Variants in TINAG observed in about 807,000 individuals in gnomAD.
TINAG encodes the protein tubulointerstitial nephritis antigen.
In TINAG, 83 loss-of-function variants were observed where a neutral mutation model predicts 72.7. That is an observed-to-expected ratio of 1.14 (90% CI 0.96 to 1.37). The LOEUF is 1.37. Among genes scored for constraint, TINAG ranks in the 40% most tolerant of loss-of-function variants. The probability of loss-of-function intolerance (pLI) is 0.00; values close to 1 mark genes in which losing one functional copy is unlikely to be tolerated. For missense variants in TINAG, 685 were observed against 576.6 expected (o/e 1.19, Z -1.93); for synonymous variants, 234 against 189.9 (o/e 1.23, Z -1.91).
rs776585622 is a variant in TINAG, at chr6:54,349,851, T to C, written c.1035T>C (p.Ser345=). ...TKPCPNNVEK[S]NRIYQCSPPY... ...CATGTCCCAACAACGTAGAAAAATC[T>C]AACAGGATCTATCAATGTTCTCCTC... is the stretch of plus-strand genomic sequence containing the variant. The change falls in exon 7 of 11, where the codon TCT becomes TCC. Residue 345 remains serine (S), a synonymous_variant. Coordinates refer to ENST00000259782, the MANE Select transcript of TINAG (RefSeq NM_014464.4). 3.4e-5 allele frequency: 55 copies of C among 1,609,486 alleles called. No homozygotes were observed. The highest frequency in any genetic ancestry group is 3.3e-4 in the Middle Eastern group (2 of 6,058).
intron 4 of TINAG, among the ~76,000 whole-genome samples, chr6:54,332,771 A>G (rs1435483131): frequency 6.6e-6 from 1 of 152,246 alleles, no homozygotes; most frequent in Non-Finnish European, 1.5e-5. Context: ...CAAATTAACA[A>G]GAAAAACAAA....
intron 5 of TINAG, 128 bp downstream of exon 5, chr6:54,343,477 TA>T (rs1373011408): frequency 7.2e-6 from 7 of 975,148 alleles, no homozygotes; most frequent in Non-Finnish European, 1.3e-6. Flanking sequence ...AAAATCTCAT[TA>T]TGATGGAAGA....
chr6:54,330,987 T>C (rs1192127086), intron 4 of TINAG, among the ~76,000 whole-genome samples: 1 of 151,954 alleles, frequency 6.6e-6, no homozygotes, highest in East Asian at 1.9e-4. Flanking sequence ...ACCAAAAAAG[T>C]CTAGGACCAG....
intron 1 of TINAG, among the ~76,000 whole-genome samples, chr6:54,316,379 A>G (rs2150931900): frequency 6.6e-6 from 1 of 152,314 alleles, no homozygotes; most frequent in Middle Eastern, 3.4e-3. Context: ...TATTTATCAC[A>G]ATTATGCTGA....
At chr6:54,310,605 C>T (rs1365159493) in intron 1 of TINAG, among the ~76,000 whole-genome samples, 1 of 138,500 alleles carries the variant, frequency 7.2e-6, no homozygotes, top group Non-Finnish European at 1.5e-5. Flanking sequence ...TTTTCTTTCT[C>T]TCTCTCTGTC....
At chr6:54,365,328 C>G (rs1030926798) in intron 9 of TINAG, 2 of 151,522 alleles carry the variant, frequency 1.3e-5, no homozygotes, top group Admixed American at 1.3e-4. Context: ...GTAGCCACTA[C>G]CACAAATAGA....
At chr6:54,385,138 A>G (rs1764062600) in intron 10 of TINAG, among the ~76,000 whole-genome samples, 1 of 152,094 alleles carries the variant, frequency 6.6e-6, no homozygotes, top group African/African-American at 2.4e-5. Context: ...ACCGAAGATA[A>G]ATGAAAGAAA....
chr6:54,379,237 A>G (rs1204292496), intron 9 of TINAG, among the ~76,000 whole-genome samples: 1 of 152,200 alleles, frequency 6.6e-6, no homozygotes, highest in East Asian at 1.9e-4. Flanking sequence ...AGTGGGGCCT[A>G]TATGTCTGTA....
intron 3 of TINAG, among the ~76,000 whole-genome samples, chr6:54,326,299 T>C (rs994148999): frequency 6.6e-6 from 1 of 151,716 alleles, no homozygotes; most frequent in Non-Finnish European, 1.5e-5. Flanking sequence ...AATATCTGAT[T>C]AATTAGATTT....
intron 9 of TINAG, among the ~76,000 whole-genome samples, chr6:54,365,804 G>C (rs991142672): frequency 2.6e-5 from 4 of 151,380 alleles, no homozygotes; most frequent in African/African-American, 9.7e-5. Flanking sequence ...TATCTCTCAG[G>C]GTCTCTGAGA....
chr6:54,322,918 A>ACCTAATTAACATACATTCCTAGC (rs1784525244), intron 3 of TINAG, among the ~76,000 whole-genome samples: 1 of 152,228 alleles, frequency 6.6e-6, no homozygotes, highest in Non-Finnish European at 1.5e-5. Flanking sequence ...CAAATGCTAG[A>ACCTAATTAACATACATTCCTAGC]CCTAATTAAC....
rs532324835 is a variant in TINAG, at chr6:54,380,685, T to C, written c.1296+114T>C. Reference sequence around the variant, plus strand: ...TCACATCCTCAGCTGTGTAATATTGTTGATAACATCAGTGTTTTCGCCAGC... The same window carrying C: ...TCACATCCTCAGCTGTGTAATATTGCTGATAACATCAGTGTTTTCGCCAGC... On this transcript the variant is annotated intron_variant, in intron 10 of 10. Transcript: ENST00000259782. The C allele has an allele frequency of 2.1e-5, 15 of 705,076 alleles. 1 individual carries two copies. The African/African-American group carries it at 2.5e-4, about 12-fold the overall frequency. 43.7% of individuals were successfully genotyped at this position (705,076 alleles called of 1,614,324 possible).
chr6:54,335,556 A>G (rs1229565585), intron 4 of TINAG, among the ~76,000 whole-genome samples: 1 of 152,222 alleles, frequency 6.6e-6, no homozygotes, highest in Non-Finnish European at 1.5e-5. Flanking sequence ...GTCAGGCAGA[A>G]TAGAATCAGA....
At chr6:54,384,495 CACTG>C (rs1367964997) in intron 10 of TINAG, among the ~76,000 whole-genome samples, 2 of 152,000 alleles carry the variant, frequency 1.3e-5, no homozygotes, top group East Asian at 1.9e-4. Context: ...AAAAAAGCAG[CACTG>C]ACTGACAGCT....
chr6:54,375,952 T>C (rs1476196856), intron 9 of TINAG, among the ~76,000 whole-genome samples: 1 of 152,166 alleles, frequency 6.6e-6, no homozygotes, highest in Non-Finnish European at 1.5e-5. Flanking sequence ...GTAACCATCT[T>C]GGAGGACTGA....
chr6:54,321,164 G>C (rs1202174408), intron 2 of TINAG, 133 bp from the exon 3 acceptor site: 1 of 727,168 alleles, frequency 1.4e-6, no homozygotes, highest in East Asian at 2.7e-5. Flanking sequence ...TTTTTGCCAA[G>C]AATCAAATAA....
At chr6:54,311,187 G>C (rs564200458) in intron 1 of TINAG, among the ~76,000 whole-genome samples, 11 of 152,134 alleles carry the variant, frequency 7.2e-5, no homozygotes, top group Non-Finnish European at 1.6e-4. Context: ...TTCTCAGACA[G>C]CAACATGTTT....
chr6:54,349,255 C>G (rs1404087414), intron 6 of TINAG, among the ~76,000 whole-genome samples: 9 of 151,608 alleles, frequency 5.9e-5, no homozygotes, highest in Non-Finnish European at 1.3e-4. Context: ...AACACAAAAA[C>G]AAAACAAAAT....
In TINAG at chr6:54,353,255, C is replaced by T. The variant is rs771019098; in HGVS notation, c.1127-1258C>T. Among the ~76,000 whole-genome samples, 7 of 151,862 alleles carry T rather than the reference C, an allele frequency of 4.6e-5. No homozygotes were observed. In the South Asian group the frequency reaches 1.5e-3, roughly 31 times the overall value. On this transcript the variant is annotated intron_variant, in intron 8 of 10. Coordinates refer to ENST00000259782, the MANE Select transcript of TINAG (RefSeq NM_014464.4). ...CTTACAGGAAAGTTGAATCATAAGA[C>T]CTCAAAGAGTCAATGGTTCTACAGA...
Sources: allele counts gnomAD v4.1 joint callset (sites outside exome capture counted in the v4.1 genomes callset), GRCh38; gene constraint gnomAD v4.1.1; transcripts MANE v1.5; gene names NCBI Gene and HGNC (gene_info 2026-07-23, HGNC 2026-07-21).